WNT5A: variants seen among roughly 807,000 people sequenced by gnomAD.
The protein encoded by WNT5A is protein Wnt-5a.
Under a neutral mutation model 42.1 loss-of-function variants are expected in WNT5A, and 9 were observed. The observed-to-expected ratio is 0.21, with a 90% CI of 0.13 to 0.37. WNT5A has a LOEUF of 0.37. Ranked by LOEUF, WNT5A falls within the 10% of genes least tolerant of loss-of-function variation. The pLI is 1.00. For missense variants in WNT5A, 426 were observed against 534.0 expected (o/e 0.80, Z 1.99); for synonymous variants, 210 against 210.0 (o/e 1.00, Z 0.00).
rs565265997 is a variant in WNT5A at position 55,486,208 on chromosome 3, C to A, written c.6+772G>T. 3.3e-5 allele frequency among the ~76,000 whole-genome samples: 5 copies of A among 152,314 alleles called. No individual in the cohort carries two copies. In the East Asian group the frequency reaches 9.7e-4, roughly 29 times the overall value. ...TTTCTAAAGGACAAGGCGGACTCCG[C>A]TCAGGGGGCCGGGGAGCGCTGTCCC... is the stretch of plus-strand genomic sequence containing the variant. On this transcript the variant is annotated intron_variant, in intron 1 of 4. Coordinates refer to ENST00000264634, the MANE Select transcript of WNT5A (RefSeq NM_003392.7).
At chr3:55,476,741 G>T (rs1465992744) in intron 3 of WNT5A, among the ~76,000 whole-genome samples, 1 of 152,190 alleles carries the variant, frequency 6.6e-6, no homozygotes, top group Non-Finnish European at 1.5e-5. Context: ...TTGGCTAATT[G>T]CCTGAGGATA....
rs529137397 is a variant in WNT5A, at chr3:55,476,566, T to C, written c.392-1937A>G. Among the ~76,000 whole-genome samples the C allele has an allele frequency of 2.6e-5, 4 of 152,260 alleles. No homozygotes were observed. In the East Asian group the frequency reaches 7.7e-4, roughly 29 times the overall value. On this transcript the variant is annotated intron_variant, in intron 3 of 4. Transcript: ENST00000264634. ...ATAGAGGAAAATAAGACACTGTCCT[T>C]TGAGTATACAGAGCATAAGAAGGCT...
rs1322904957 is a variant in WNT5A, at chr3:55,467,195, A to G, written c.*2897T>C. ...TAGTTGCAGTGGTAAACACACAAAAAAATACATTTTTTTGGACTAAAAATC... is the reference window on the plus strand; with the variant it reads ...TAGTTGCAGTGGTAAACACACAAAAGAATACATTTTTTTGGACTAAAAATC... On this transcript the variant is annotated 3_prime_UTR_variant, in exon 5 of 5. Coordinates refer to ENST00000264634, the MANE Select transcript of WNT5A (RefSeq NM_003392.7). 1.3e-5 allele frequency: 2 copies of G among 152,512 alleles called. No individual in the cohort carries two copies. The highest frequency in any genetic ancestry group is 2.9e-5 in the Non-Finnish European group (2 of 68,036). 9.4% of individuals were successfully genotyped at this position (152,512 alleles called of 1,614,324 possible). A position where few individuals can be genotyped will look rare whatever the true frequency, so the allele number is the denominator to read the frequency against.
chr3:55,475,879 T>C (rs150649284), intron 3 of WNT5A, among the ~76,000 whole-genome samples: 1 of 152,102 alleles, frequency 6.6e-6, no homozygotes, highest in East Asian at 1.9e-4. Context: ...ATAAAAGTAC[T>C]GTAATCTGAG....
intron 1 of WNT5A, among the ~76,000 whole-genome samples, chr3:55,484,825 A>G (rs894912337): frequency 3.3e-5 from 5 of 152,290 alleles, no homozygotes; most frequent in African/African-American, 1.2e-4. Flanking sequence ...CAGAGGAAGA[A>G]AATGAAATGA....
chr3:55,486,405 G>T (rs1029032934), intron 1 of WNT5A, among the ~76,000 whole-genome samples: 1 of 152,198 alleles, frequency 6.6e-6, no homozygotes, highest in Non-Finnish European at 1.5e-5. Flanking sequence ...GGGGCCTGAA[G>T]CGCTCGAGTT....
At position 55,470,039 on chromosome 3, in the gene WNT5A, T is replaced by A; in HGVS notation, c.*53A>T. The A allele has an allele frequency of 6.2e-7, 1 of 1,609,294 alleles. No individual in the cohort carries two copies. The highest frequency in any genetic ancestry group is 1.7e-4 in the Middle Eastern group (1 of 6,054). On this transcript the variant is annotated 3_prime_UTR_variant, in exon 5 of 5. Coordinates refer to ENST00000264634, the MANE Select transcript of WNT5A (RefSeq NM_003392.7). Reference sequence around the variant, plus strand: ...AAACCAAAAACCAGAATCACTGTACTTTCTATAAATAAGCGGGTCCTGGGA... The same window carrying A: ...AAACCAAAAACCAGAATCACTGTACATTCTATAAATAAGCGGGTCCTGGGA...
upstream of WNT5A, chr3:55,490,577 G>C (rs892442794): frequency 1.3e-5 from 2 of 152,278 alleles, no homozygotes; most frequent in African/African-American, 4.8e-5. Flanking sequence ...AATGAAATGA[G>C]ATGAGCTTGA....
intron 4 of WNT5A, among the ~76,000 whole-genome samples, chr3:55,472,660 T>C (rs964665804): frequency 6.6e-6 from 1 of 152,168 alleles, no homozygotes; most frequent in Non-Finnish European, 1.5e-5. Flanking sequence ...TGGCAATTAT[T>C]TGACCCCTCA....
chr3:55,475,859 G>A (rs1457762894), intron 3 of WNT5A, among the ~76,000 whole-genome samples: 1 of 152,092 alleles, frequency 6.6e-6, no homozygotes. Context: ...CATGTAACAA[G>A]AGCTAGTTAA....
At chr3:55,477,666 G>A (rs772629347) in intron 3 of WNT5A, among the ~76,000 whole-genome samples, 5 of 152,134 alleles carry the variant, frequency 3.3e-5, no homozygotes, top group South Asian at 2.1e-4. Flanking sequence ...ATCTTGGACC[G>A]CATTTAAAAT....
upstream of WNT5A, among the ~76,000 whole-genome samples, chr3:55,491,369 C>T (rs1344423601): frequency 6.6e-6 from 1 of 152,100 alleles, no homozygotes. Context: ...CCTTGCAAAC[C>T]GTGTGTGCAT....
intron 4 of WNT5A, 93 bp downstream of exon 4, chr3:55,474,243 AG>A: frequency 6.6e-7 from 1 of 1,504,482 alleles, no homozygotes; most frequent in Non-Finnish European, 9.1e-7. Context: ...GGAGTGGCAG[AG>A]GAGAGGACGG....
intron 1 of WNT5A, among the ~76,000 whole-genome samples, chr3:55,482,412 C>T (rs1283227197): frequency 6.6e-6 from 1 of 152,144 alleles, no homozygotes; most frequent in Non-Finnish European, 1.5e-5. Flanking sequence ...GCCCATAGCC[C>T]CTGAAGGAGC....
At chr3:55,486,925 C>T in intron 1 of WNT5A, 55 bp downstream of exon 1, 1 of 1,454,610 alleles carries the variant, frequency 6.9e-7, no homozygotes, top group Non-Finnish European at 9.6e-7. Flanking sequence ...AGTTAACTTC[C>T]AACAGGGGGT....
chr3:55,480,990 G>A (rs893240854), intron 1 of WNT5A, 72 bp from the exon 2 acceptor site: 1 of 1,326,642 alleles, frequency 7.5e-7, no homozygotes, highest in South Asian at 2.5e-5. Flanking sequence ...TTTAAACAAC[G>A]GAAGCATCCG....
chr3:55,476,418 A>G (rs543281484), intron 3 of WNT5A, among the ~76,000 whole-genome samples: 243 of 152,314 alleles, frequency 1.6e-3, no homozygotes, highest in Non-Finnish European at 2.9e-3. Context: ...AATGAGGACA[A>G]TATACAGCTT....
upstream of WNT5A, among the ~76,000 whole-genome samples, chr3:55,494,362 C>T (rs188678031): frequency 2.4e-3 from 370 of 152,144 alleles, 1 homozygote; most frequent in African/African-American, 7.2e-3. Flanking sequence ...GTCCATTCTC[C>T]GGAAGGGAAA....
intron 1 of WNT5A, among the ~76,000 whole-genome samples, chr3:55,486,750 T>A (rs566926): frequency 6.6e-6 from 1 of 152,040 alleles, no homozygotes; most frequent in African/African-American, 2.4e-5. Context: ...AAATCAAAAT[T>A]GTTTGCAGAA....
Sources: gnomAD v4.1 joint callset for allele counts (sites outside exome capture counted in the v4.1 genomes callset) on GRCh38, gnomAD v4.1.1 for gene constraint, MANE v1.5 for transcripts, NCBI Gene and HGNC (gene_info 2026-07-23, HGNC 2026-07-21) for gene names.